The following CTNNA1 variants were observed in gnomAD, a reference collection of about 807,000 sequenced individuals.
CTNNA1 encodes the protein catenin alpha 1, also known as catenin alpha-1.
In CTNNA1, 37 loss-of-function variants were observed where a neutral mutation model predicts 98.4. That is an observed-to-expected ratio of 0.38 (90% CI 0.29 to 0.49). The LOEUF (loss-of-function observed/expected upper bound fraction) is 0.49, where lower values mean the gene tolerates loss of function less well. CTNNA1 is among the 20% of genes least tolerant of loss of function. The pLI, the probability that CTNNA1 is intolerant of heterozygous loss-of-function variation, is 0.95. For missense variants in CTNNA1, 761 were observed against 1,147.2 expected (o/e 0.66, Z 4.86); for synonymous variants, 404 against 413.2 (o/e 0.98, Z 0.27).
chr5:138,790,052 GT>G (rs1756185002), intron 3 of CTNNA1, among the ~76,000 whole-genome samples: 1 of 152,226 alleles, frequency 6.6e-6, no homozygotes, highest in Admixed American at 6.5e-5. Flanking sequence ...AGTGTTAGCT[GT>G]GTGCAGGAAG....
At chr5:138,802,021 T>C (rs1245955847) in intron 3 of CTNNA1, among the ~76,000 whole-genome samples, 1 of 152,152 alleles carries the variant, frequency 6.6e-6, no homozygotes, top group East Asian at 1.9e-4. Context: ...CTTGAAGATA[T>C]TCATGACAAA....
chr5:138,843,950 G>T (rs543177362), intron 7 of CTNNA1, among the ~76,000 whole-genome samples: 1 of 152,132 alleles, frequency 6.6e-6, no homozygotes, highest in Admixed American at 6.5e-5. Flanking sequence ...TTAAAAGTAA[G>T]CACTTTTTTT....
intron 7 of CTNNA1, among the ~76,000 whole-genome samples, chr5:138,860,642 C>T (rs1267327905): frequency 4.6e-5 from 7 of 152,094 alleles, no homozygotes; most frequent in Non-Finnish European, 7.4e-5. Flanking sequence ...ATTACAGGCA[C>T]GTGCCACCAT....
rs188642336 is a variant in CTNNA1 at position 138,817,762 on chromosome 5, A to G, written c.588+5460A>G. The stretch of plus-strand genomic sequence containing the variant: ...TTTCACCATTAAATTCTTTAGCTGC[A>G]TGATTTCTGTTGGTTCTTCTTCATG... On this transcript the variant is annotated intron_variant, in intron 5 of 17. Coordinates refer to ENST00000302763, the MANE Select transcript of CTNNA1 (RefSeq NM_001903.5). 8.6e-4 allele frequency among the ~76,000 whole-genome samples: 131 copies of G among 152,024 alleles called. 1 individual carries two copies. The highest frequency in any genetic ancestry group is 6.0e-3 in the South Asian group (29 of 4,814).
intron 3 of CTNNA1, among the ~76,000 whole-genome samples, chr5:138,809,496 G>A (rs1758450685): frequency 6.6e-6 from 1 of 152,170 alleles, no homozygotes; most frequent in Non-Finnish European, 1.5e-5. Context: ...GAGCATGTGA[G>A]CTTTTGGTAG....
intron 1 of CTNNA1, among the ~76,000 whole-genome samples, chr5:138,766,590 G>C (rs1752966397): frequency 6.6e-6 from 1 of 152,052 alleles, no homozygotes; most frequent in Admixed American, 6.6e-5. Context: ...GGGGTTAGTA[G>C]GGTGAGTGAG....
chr5:138,789,187 T>TC (rs1561527682), intron 3 of CTNNA1, among the ~76,000 whole-genome samples: 7 of 67,544 alleles, frequency 1.0e-4, no homozygotes, highest in South Asian at 6.6e-4. Context: ...TTTCCTGTTT[T>TC]TCCCCCCCCC....
At chr5:138,847,947 T>C (rs1156818361) in intron 7 of CTNNA1, among the ~76,000 whole-genome samples, 1 of 152,200 alleles carries the variant, frequency 6.6e-6, no homozygotes, top group East Asian at 1.9e-4. Context: ...TATAATTACC[T>C]GTGTTTCTAG....
At chr5:138,780,463 G>A (rs942951736) in intron 1 of CTNNA1, among the ~76,000 whole-genome samples, 11 of 151,902 alleles carry the variant, frequency 7.2e-5, no homozygotes, top group African/African-American at 2.7e-4. Context: ...AAAGTGCTGG[G>A]ATTACAGGCG....
chr5:138,887,005 A>T (rs752667075), intron 8 of CTNNA1, among the ~76,000 whole-genome samples: 1 of 152,150 alleles, frequency 6.6e-6, no homozygotes, highest in Non-Finnish European at 1.5e-5. Flanking sequence ...CTTTTGGTGA[A>T]GCAGTATCAG....
intron 9 of CTNNA1, among the ~76,000 whole-genome samples, chr5:138,903,167 CTTTT>C (rs1219880601): frequency 2.0e-5 from 3 of 152,080 alleles, no homozygotes; most frequent in African/African-American, 7.2e-5. Flanking sequence ...ACGTTAACTT[CTTTT>C]GTTTCTCCTT....
chr5:138,882,783 A>G (rs1384151366), intron 7 of CTNNA1, among the ~76,000 whole-genome samples: 1 of 152,212 alleles, frequency 6.6e-6, no homozygotes, highest in Non-Finnish European at 1.5e-5. Context: ...TGCTAGAAAT[A>G]AAAAATCATA....
intron 13 of CTNNA1, among the ~76,000 whole-genome samples, chr5:138,926,612 G>A (rs140341814): frequency 9.2e-4 from 140 of 152,244 alleles, no homozygotes; most frequent in African/African-American, 3.3e-3. Flanking sequence ...CATTGCTCTC[G>A]GTGCTTCTGG....
At chr5:138,843,434 T>C (rs1043349173) in intron 7 of CTNNA1, among the ~76,000 whole-genome samples, 1 of 152,156 alleles carries the variant, frequency 6.6e-6, no homozygotes, top group Non-Finnish European at 1.5e-5. Flanking sequence ...CGGAGGGCAT[T>C]TGCATGCTTT....
At chr5:138,899,809 A>C (rs1010310097) in intron 9 of CTNNA1, among the ~76,000 whole-genome samples, 2 of 152,210 alleles carry the variant, frequency 1.3e-5, no homozygotes, top group Non-Finnish European at 2.9e-5. Flanking sequence ...GCTCTGCATT[A>C]AAAATTGAAA....
At chr5:138,807,021 T>G (rs1452171940) in intron 3 of CTNNA1, among the ~76,000 whole-genome samples, 1 of 150,606 alleles carries the variant, frequency 6.6e-6, no homozygotes, top group Non-Finnish European at 1.5e-5. Context: ...TTTTTTTTTT[T>G]TTTTTTTGAG....
intron 9 of CTNNA1, among the ~76,000 whole-genome samples, chr5:138,902,071 A>G (rs1758161226): frequency 6.6e-6 from 1 of 152,156 alleles, no homozygotes; most frequent in Non-Finnish European, 1.5e-5. Context: ...TACACCAGAA[A>G]TATTTTAAAG....
rs745411817 is a variant in CTNNA1 at position 138,782,008 on chromosome 5, GT to G, written c.86del (p.Leu29TrpfsTer12). The G allele has an allele frequency of 6.2e-7, 1 of 1,608,980 alleles. No homozygotes were observed. The highest frequency in any genetic ancestry group is 1.3e-5 in the African/African-American group (1 of 74,648). On this transcript the variant is annotated frameshift_variant, in exon 2 of 18. Transcript: ENST00000302763. LOFTEE classifies it high-confidence loss of function. ...TCAGGACTCTGGCAGTTGAGAGACT[GT>G]TGGAGCCTCTTGTTACACAGGTAAG... ...EIRTLAVERL[L>X]EPLVTQVTTL... is the part of the protein sequence containing the mutation.
chr5:138,850,417 G>A (rs182796481), intron 7 of CTNNA1, among the ~76,000 whole-genome samples: 11 of 152,246 alleles, frequency 7.2e-5, no homozygotes, highest in South Asian at 4.1e-4. Flanking sequence ...AAGTCAGATC[G>A]AGTGGCCTTA....
Sources: allele counts gnomAD v4.1 joint callset (sites outside exome capture counted in the v4.1 genomes callset), GRCh38; gene constraint gnomAD v4.1.1; transcripts MANE v1.5; gene names NCBI Gene and HGNC (gene_info 2026-07-23, HGNC 2026-07-21).